CTIF: variants seen among roughly 807,000 people sequenced by gnomAD.
The protein encoded by CTIF is CBP80/20-dependent translation initiation factor.
Under a neutral mutation model 66.0 loss-of-function variants are expected in CTIF, and 21 were observed. The ratio of observed to expected loss-of-function variants is 0.32; its 90% CI spans 0.23 to 0.46. The LOEUF (loss-of-function observed/expected upper bound fraction) is 0.46, where lower values mean the gene tolerates loss of function less well. Ranked by LOEUF, CTIF falls within the 20% of genes least tolerant of loss-of-function variation. The pLI is 1.00. For missense variants in CTIF, 739 were observed against 812.7 expected, an observed-to-expected ratio of 0.91 and a Z score of 1.10; for synonymous variants, 345 against 326.4, an observed-to-expected ratio of 1.06 and a Z score of -0.62.
chr18:48,719,569 G>A (rs751462534), intron 7 of CTIF, among the ~76,000 whole-genome samples: 101 of 152,066 alleles, frequency 6.6e-4, no homozygotes, highest in Non-Finnish European at 1.1e-3. Flanking sequence ...TTGTAACACC[G>A]CACTCAATAC....
At chr18:48,648,099 A>G (rs530660880) in intron 3 of CTIF, among the ~76,000 whole-genome samples, 182 of 150,700 alleles carry the variant, frequency 1.2e-3, no homozygotes, top group African/African-American at 4.4e-3. Flanking sequence ...GGCCCTGTCC[A>G]GGACAGGCTC....
At chr18:48,815,748 G>A (rs2068349325) in intron 9 of CTIF, among the ~76,000 whole-genome samples, 1 of 152,206 alleles carries the variant, frequency 6.6e-6, no homozygotes. Context: ...TCCATCTCTG[G>A]AGATGCTGAG....
At chr18:48,710,915 T>C (rs919390034) in intron 6 of CTIF, among the ~76,000 whole-genome samples, 1 of 152,142 alleles carries the variant, frequency 6.6e-6, no homozygotes, top group African/African-American at 2.4e-5. Context: ...AAGGCTGCAG[T>C]GAGCCGTGTT....
intron 3 of CTIF, among the ~76,000 whole-genome samples, chr18:48,655,541 G>A (rs1193615505): frequency 6.6e-6 from 1 of 152,190 alleles, no homozygotes; most frequent in African/African-American, 2.4e-5. Context: ...GCACTGAGAA[G>A]GGTGTGGACT....
intron 1 of CTIF, among the ~76,000 whole-genome samples, chr18:48,572,099 TCCTCCTTCC>T: frequency 6.6e-6 from 1 of 152,052 alleles, no homozygotes; most frequent in South Asian, 2.1e-4. Context: ...CTCCTCCTTC[TCCTCCTTCC>T]CCTCCCTCCT....
At position 48,816,260 on chromosome 18, in the gene CTIF, C is replaced by T. The variant is rs142438635; in HGVS notation, c.1372-961C>T. On this transcript the variant is annotated intron_variant, in intron 9 of 11. Transcript: ENST00000256413. The stretch of plus-strand genomic sequence containing the variant: ...TCACATCAGAATTGGCACACCATCA[C>T]TCCTGCCTCATTCTATTGGCCAAAG... 5.6e-3 allele frequency among the ~76,000 whole-genome samples: 856 copies of T among 152,328 alleles called. 5 individuals carry two copies. The highest frequency in any genetic ancestry group is 0.019 in the African/African-American group (795 of 41,568).
intron 1 of CTIF, among the ~76,000 whole-genome samples, chr18:48,553,011 G>A (rs1464038439): frequency 6.6e-6 from 1 of 152,170 alleles, no homozygotes; most frequent in African/African-American, 2.4e-5. Context: ...CTATAATACA[G>A]GGATTAGGAG....
At chr18:48,734,970 T>C (rs1191089586) in intron 7 of CTIF, among the ~76,000 whole-genome samples, 2 of 152,202 alleles carry the variant, frequency 1.3e-5, no homozygotes, top group East Asian at 3.8e-4. Flanking sequence ...TATGCACATG[T>C]GTGTTTATAT....
chr18:48,653,121 C>T lies in CTIF; in HGVS notation c.253-10631C>T, dbSNP rs60285599. ...CCTATTCAACGTAGTATTGGAAGTT[C>T]TGGCCAGGGCACTCAGGCAAGAGAA... On this transcript the variant is annotated intron_variant, in intron 3 of 11. Transcript: ENST00000256413. Among the ~76,000 whole-genome samples the T allele has an allele frequency of 7.3e-3, 1,110 of 152,318 alleles. 9 individuals are homozygous for T. Among genetic ancestry groups the T allele is most frequent in the African/African-American group, 0.026 (1,066 of 41,556 alleles).
intron 9 of CTIF, among the ~76,000 whole-genome samples, chr18:48,815,560 T>C (rs777256985): frequency 6.6e-5 from 10 of 152,264 alleles, no homozygotes; most frequent in Non-Finnish European, 1.0e-4. Context: ...TATACTTTTT[T>C]GTAACTGATG....
chr18:48,730,768 C>T (rs982710665), intron 7 of CTIF, among the ~76,000 whole-genome samples: 5 of 127,448 alleles, frequency 3.9e-5, no homozygotes, highest in Admixed American at 1.6e-4. Flanking sequence ...GGGGCCCCCA[C>T]GATGAACGCA....
chr18:48,759,540 G>A (rs955418094), intron 8 of CTIF, among the ~76,000 whole-genome samples: 26 of 152,254 alleles, frequency 1.7e-4, no homozygotes, highest in African/African-American at 5.5e-4. Context: ...GAAACAGCAC[G>A]GGCTTTAGAG....
intron 10 of CTIF, among the ~76,000 whole-genome samples, chr18:48,835,592 A>G (rs1048771840): frequency 2.0e-5 from 3 of 152,184 alleles, no homozygotes; most frequent in East Asian, 3.9e-4. Flanking sequence ...TCCCACATCT[A>G]TAAGCACAGT....
intron 3 of CTIF, among the ~76,000 whole-genome samples, chr18:48,647,096 A>G (rs1380605511): frequency 6.6e-6 from 1 of 152,212 alleles, no homozygotes. Flanking sequence ...CAGCAGATGA[A>G]TGGTTAAACA....
At chr18:48,629,294 AT>A (rs919001124) in intron 2 of CTIF, among the ~76,000 whole-genome samples, 2 of 152,248 alleles carry the variant, frequency 1.3e-5, no homozygotes, top group African/African-American at 4.8e-5. Context: ...GACCTTTAAA[AT>A]AACTATGCAT....
chr18:48,707,292 T>C (rs2092168956), intron 6 of CTIF, among the ~76,000 whole-genome samples: 1 of 152,132 alleles, frequency 6.6e-6, no homozygotes, highest in Non-Finnish European at 1.5e-5. Flanking sequence ...CAAGGAGAGG[T>C]CTTTGGTCTA....
chr18:48,545,972 TG>T (rs1381445649), intron 1 of CTIF, among the ~76,000 whole-genome samples: 1 of 152,186 alleles, frequency 6.6e-6, no homozygotes, highest in Non-Finnish European at 1.5e-5. Flanking sequence ...GTGTTTCAGC[TG>T]GAAGCATTAG....
intron 7 of CTIF, among the ~76,000 whole-genome samples, chr18:48,721,901 G>A (rs1271114610): frequency 6.6e-6 from 1 of 152,144 alleles, no homozygotes; most frequent in African/African-American, 2.4e-5. Context: ...TATAAAATAG[G>A]GCTCTGATTT....
intron 2 of CTIF, among the ~76,000 whole-genome samples, chr18:48,623,757 G>A (rs1475655105): frequency 6.6e-6 from 1 of 152,124 alleles, no homozygotes; most frequent in Non-Finnish European, 1.5e-5. Context: ...TCTGAGAAGT[G>A]ACAGTTGACA....
Sources: allele counts gnomAD v4.1 joint callset (sites outside exome capture counted in the v4.1 genomes callset), GRCh38; gene constraint gnomAD v4.1.1; transcripts MANE v1.5; gene names NCBI Gene and HGNC (gene_info 2026-07-23, HGNC 2026-07-21).